ZNF516: variants seen among roughly 807,000 people sequenced by gnomAD.
ZNF516 encodes the protein zinc finger protein 516.
Under a neutral mutation model 79.7 loss-of-function variants are expected in ZNF516, and 19 were observed. The observed-to-expected ratio is 0.24, with a 90% confidence interval of 0.17 to 0.35. The LOEUF (loss-of-function observed/expected upper bound fraction) is 0.35. ZNF516 is among the 10% of genes least tolerant of loss of function. ZNF516 has a pLI of 1.00. For missense variants in ZNF516, 1,678 were observed against 1,679.5 expected, an observed-to-expected ratio of 1.00 and a Z score of 0.02; for synonymous variants, 877 against 739.5, an observed-to-expected ratio of 1.19 and a Z score of -3.02.
At chr18:76,430,243 T>C (rs558072902) in intron 3 of ZNF516, among the ~76,000 whole-genome samples, 1 of 152,308 alleles carries the variant, frequency 6.6e-6, no homozygotes, top group African/African-American at 2.4e-5. Flanking sequence ...GTAATATTTC[T>C]TAAAAATGAA....
intron 3 of ZNF516, among the ~76,000 whole-genome samples, chr18:76,436,615 T>C (rs2075740532): frequency 6.6e-6 from 1 of 152,192 alleles, no homozygotes; most frequent in Admixed American, 6.5e-5. Context: ...GAGCTCCTCC[T>C]GCTCTACCTT....
chr18:76,473,674 G>A (rs1055887147), intron 1 of ZNF516, among the ~76,000 whole-genome samples: 1 of 151,860 alleles, frequency 6.6e-6, no homozygotes, highest in African/African-American at 2.4e-5. Flanking sequence ...GGTGGTGGGC[G>A]CCTGTAGTCC....
At chr18:76,463,756 GT>G (rs1913271874) in intron 1 of ZNF516, among the ~76,000 whole-genome samples, 1 of 152,232 alleles carries the variant, frequency 6.6e-6, no homozygotes, top group African/African-American at 2.4e-5. Context: ...ATCCCCAGAT[GT>G]TTCAGGGTGT....
intron 3 of ZNF516, among the ~76,000 whole-genome samples, chr18:76,437,037 A>G (rs2075748994): frequency 6.6e-6 from 1 of 150,506 alleles, no homozygotes; most frequent in Admixed American, 6.6e-5. Context: ...ACTGCACTCC[A>G]GCCTGGGTGA....
chr18:76,482,207 G>A (rs1914563783), intron 1 of ZNF516, among the ~76,000 whole-genome samples: 1 of 152,176 alleles, frequency 6.6e-6, no homozygotes, highest in Admixed American at 6.5e-5. Flanking sequence ...GTGCCAGAAA[G>A]CTCACATCCT....
intron 1 of ZNF516, chr18:76,490,799 G>A (rs918687252): frequency 5.1e-6 from 5 of 985,464 alleles, no homozygotes; most frequent in Non-Finnish European, 4.8e-6. Context: ...GTCACACGAC[G>A]AGCGGACCGG....
intron 3 of ZNF516, among the ~76,000 whole-genome samples, chr18:76,437,622 G>A (rs1425290549): frequency 2.0e-5 from 3 of 152,046 alleles, no homozygotes; most frequent in South Asian, 4.1e-4. Flanking sequence ...AGGACTCCCC[G>A]ATACCAAAAT....
chr18:76,455,218 G>A (rs946652549), intron 2 of ZNF516, among the ~76,000 whole-genome samples: 3 of 152,182 alleles, frequency 2.0e-5, no homozygotes, highest in Non-Finnish European at 4.4e-5. Flanking sequence ...TGGATAGTCC[G>A]TTTGGTCACA....
chr18:76,373,344 A>G (rs1413340743), intron 4 of ZNF516, among the ~76,000 whole-genome samples: 2 of 151,642 alleles, frequency 1.3e-5, no homozygotes, highest in African/African-American at 4.9e-5. Flanking sequence ...AAGAAAAGGA[A>G]GGAAAGGAAA....
chr18:76,397,354 A>G (rs544903844), intron 3 of ZNF516, among the ~76,000 whole-genome samples: 6 of 152,046 alleles, frequency 3.9e-5, no homozygotes, highest in Non-Finnish European at 2.9e-5. Context: ...TGACACATAC[A>G]ATGTGAACTA....
At chr18:76,492,995 C>G in intron 1 of ZNF516, 1 of 985,620 alleles carries the variant, frequency 1.0e-6, no homozygotes, top group Non-Finnish European at 1.2e-6. Context: ...CGCTCACACA[C>G]ACACCCCAAA....
chr18:76,384,469 G>A (rs2074949168), intron 3 of ZNF516, among the ~76,000 whole-genome samples: 1 of 66,664 alleles, frequency 1.5e-5, no homozygotes, highest in Non-Finnish European at 2.8e-5. Flanking sequence ...CCCCCACCAC[G>A]ACCCGCACAC....
chr18:76,360,706 G>C lies in ZNF516; in HGVS notation c.*1792C>G, dbSNP rs2074523511. ...GCTAGCCAGTTACATTGCATCGTTT[G>C]AAAGTGTTGCAAAGTAACCTGAACC... On this transcript the variant is annotated 3_prime_UTR_variant, in exon 7 of 7. Coordinates refer to ENST00000443185, the MANE Select transcript of ZNF516 (RefSeq NM_014643.4). The C allele has an allele frequency of 7.8e-6, 1 of 128,998 alleles. No homozygotes were observed. The highest frequency in any genetic ancestry group is 2.5e-4 in the South Asian group (1 of 4,028). The allele number at this position is 128,998 out of a possible 1,614,324, so 8.0% of individuals were successfully genotyped here.
intron 3 of ZNF516, among the ~76,000 whole-genome samples, chr18:76,427,641 C>T (rs1200678621): frequency 6.6e-6 from 1 of 152,118 alleles, no homozygotes; most frequent in Non-Finnish European, 1.5e-5. Context: ...AAAGACAATT[C>T]TGATGTTTCA....
chr18:76,389,930 C>T (rs1427221760), intron 3 of ZNF516, among the ~76,000 whole-genome samples: 3 of 152,118 alleles, frequency 2.0e-5, no homozygotes, highest in Non-Finnish European at 2.9e-5. Context: ...TGGTCCCGAG[C>T]GATAGTGGGC....
chr18:76,463,590 C>G (rs1249761776), intron 1 of ZNF516, among the ~76,000 whole-genome samples: 1 of 152,222 alleles, frequency 6.6e-6, no homozygotes, highest in Non-Finnish European at 1.5e-5. Context: ...GTGGCTCTCG[C>G]TCTTCTTGGG....
chr18:76,382,445 T>C (rs980192873), intron 3 of ZNF516, among the ~76,000 whole-genome samples: 4 of 152,104 alleles, frequency 2.6e-5, no homozygotes, highest in Non-Finnish European at 4.4e-5. Flanking sequence ...TGTCCAAGAC[T>C]ACTAGTGGAG....
chr18:76,436,633 C>T (rs1009390765), intron 3 of ZNF516, among the ~76,000 whole-genome samples: 6 of 152,248 alleles, frequency 3.9e-5, no homozygotes, highest in Middle Eastern at 3.4e-3. Context: ...CTTGAAGAAA[C>T]GCTTAGAAGA....
At chr18:76,431,623 G>T (rs529388655) in intron 3 of ZNF516, among the ~76,000 whole-genome samples, 8 of 152,194 alleles carry the variant, frequency 5.3e-5, no homozygotes, top group African/African-American at 1.9e-4. Context: ...GGTGCTCATT[G>T]CAACGAGTGA....
Sources: allele counts gnomAD v4.1 joint callset (sites outside exome capture counted in the v4.1 genomes callset), GRCh38; gene constraint gnomAD v4.1.1; transcripts MANE v1.5; gene names NCBI Gene and HGNC (gene_info 2026-07-23, HGNC 2026-07-21).